The following LYSMD3 variants were observed in gnomAD, a reference collection of about 807,000 sequenced individuals.
LYSMD3 encodes the protein lysM and putative peptidoglycan-binding domain-containing protein 3.
Under a neutral mutation model 26.1 loss-of-function variants are expected in LYSMD3, and 13 were observed. That is an observed-to-expected ratio of 0.50 (90% CI 0.32 to 0.79). LYSMD3 has a LOEUF of 0.79. LYSMD3 is among the 30% of genes least tolerant of loss of function. The probability of loss-of-function intolerance (pLI) is 0.03; values close to 1 mark genes in which losing one functional copy is unlikely to be tolerated. For missense variants in LYSMD3, 331 were observed against 362.5 expected (o/e 0.91, Z 0.71); for synonymous variants, 109 against 119.4 (o/e 0.91, Z 0.57).
intron 1 of LYSMD3, among the ~76,000 whole-genome samples, chr5:90,525,649 C>T (rs574524385): frequency 6.6e-6 from 1 of 152,156 alleles, no homozygotes; most frequent in Admixed American, 6.5e-5. Flanking sequence ...AGGGTTTCAC[C>T]ATGTTGGCCA....
chr5:90,519,690 C>G, intron 2 of LYSMD3, among the ~76,000 whole-genome samples: 1 of 152,108 alleles, frequency 6.6e-6, no homozygotes, highest in East Asian at 1.9e-4. Flanking sequence ...TCACCAACTA[C>G]TTTTTACTAT....
intron 2 of LYSMD3, 40 bp downstream of exon 2, chr5:90,524,992 AAAT>A: frequency 6.9e-7 from 1 of 1,455,208 alleles, no homozygotes; most frequent in South Asian, 1.4e-5. Flanking sequence ...GTGCGTAAAC[AAAT>A]AATTTCTTCT....
At chr5:90,520,219 A>C (rs1580231284) in intron 2 of LYSMD3, 3 of 349,226 alleles carry the variant, frequency 8.6e-6, no homozygotes, top group Non-Finnish European at 1.1e-5. Flanking sequence ...ATCCACTGTG[A>C]GATAACCTGT....
chr5:90,529,529 C>T lies in LYSMD3; in HGVS notation c.-93G>A. 1 of 456,700 alleles carries T rather than the reference C, an allele frequency of 2.2e-6. No homozygotes were observed. The highest frequency in any genetic ancestry group is 4.4e-6 in the Non-Finnish European group (1 of 226,964). 28.3% of individuals were successfully genotyped at this position (456,700 alleles called of 1,614,324 possible). The stretch of plus-strand genomic sequence containing the variant: ...CCGCTGTCCCGGGTAAGTTCATGGC[C>T]GAGCCTCTGCTTTGGGCTGACCCCG... On this transcript the variant is annotated 5_prime_UTR_variant, in exon 1 of 3. Transcript: ENST00000315948.
rs1465895485 is a variant in LYSMD3 at position 90,517,277 on chromosome 5, T to C, written c.*1542A>G. ...CTCCTGAAAGTACATAAAACTGCATTTGCCATAAATATTTACTTATTCTGA... is the reference window on the plus strand; with the variant it reads ...CTCCTGAAAGTACATAAAACTGCATCTGCCATAAATATTTACTTATTCTGA... On this transcript the variant is annotated 3_prime_UTR_variant, in exon 3 of 3. Transcript: ENST00000315948. 6.6e-6 allele frequency: 1 copy of C among 152,064 alleles called. No individual in the cohort carries two copies. The highest frequency in any genetic ancestry group is 1.5e-5 in the Non-Finnish European group (1 of 67,920). The allele number at this position is 152,064 out of a possible 1,614,324, so 9.4% of individuals were successfully genotyped here.
intron 2 of LYSMD3, among the ~76,000 whole-genome samples, chr5:90,521,658 T>C (rs533496301): frequency 6.6e-6 from 1 of 152,104 alleles, no homozygotes; most frequent in South Asian, 2.1e-4. Flanking sequence ...TGCTTGGTAT[T>C]GTGTACTCTT....
Position 90,515,830 on chromosome 5 carries a change from T to G in LYSMD3, c.*2989A>C, listed in dbSNP as rs1210485565. Reference sequence around the variant, plus strand: ...AAAGCATTCAGATATTTCTATGATCTAACAGTGCAATATGCACATACGTGG... The same window carrying G: ...AAAGCATTCAGATATTTCTATGATCGAACAGTGCAATATGCACATACGTGG... On this transcript the variant is annotated 3_prime_UTR_variant, in exon 3 of 3. Coordinates refer to ENST00000315948, the MANE Select transcript of LYSMD3 (RefSeq NM_198273.2). The G allele has an allele frequency of 2.0e-5, 3 of 152,206 alleles. No homozygotes were observed. The highest frequency in any genetic ancestry group is 4.4e-5 in the Non-Finnish European group (3 of 68,010). 9.4% of individuals were successfully genotyped at this position (152,206 alleles called of 1,614,324 possible).
chr5:90,520,415 G>A (rs778221006), intron 2 of LYSMD3: 2 of 456,184 alleles, frequency 4.4e-6, no homozygotes, highest in South Asian at 3.1e-5. Context: ...TTAGATTTCT[G>A]GTTTGGTCAA....
intron 1 of LYSMD3, among the ~76,000 whole-genome samples, chr5:90,529,173 TGTGTTTGG>T (rs1167132409): frequency 6.6e-6 from 1 of 152,200 alleles, no homozygotes; most frequent in Non-Finnish European, 1.5e-5. Flanking sequence ...GGAGAAATGC[TGTGTTTGG>T]GTGGGAAATT....
At chr5:90,521,665 T>G (rs1753092144) in intron 2 of LYSMD3, among the ~76,000 whole-genome samples, 1 of 152,002 alleles carries the variant, frequency 6.6e-6, no homozygotes, top group Non-Finnish European at 1.5e-5. Context: ...TATTGTGTAC[T>G]CTTACTAATA....
chr5:90,523,909 T>C (rs1753152995), intron 2 of LYSMD3, among the ~76,000 whole-genome samples: 1 of 152,128 alleles, frequency 6.6e-6, no homozygotes, highest in African/African-American at 2.4e-5. Flanking sequence ...TATAAAAATA[T>C]CCTGCTAAGG....
intron 2 of LYSMD3, among the ~76,000 whole-genome samples, chr5:90,524,758 A>AT (rs890683709): frequency 4.6e-5 from 7 of 151,950 alleles, no homozygotes; most frequent in Admixed American, 4.6e-4. Flanking sequence ...CGCCCGGCTA[A>AT]TTTTTTTGTA....
chr5:90,525,246 A>G lies in LYSMD3; in HGVS notation c.44T>C (p.Val15Ala), dbSNP rs1753192747. The change falls in exon 2 of 3, where the codon GTT becomes GCT. Residue 15 changes from valine to alanine, a missense_variant. Physicochemically the swap from Val to Ala is moderately conservative, Grantham distance 64. Transcript: ENST00000315948. ...HQNRSFPLPG[V>A]QSSGQVHAFG... ...TGCATGTACTTGACCACTTGACTGAACTCCTGGAAGAGGAAAACTACGATT... is the reference window on the plus strand; with the variant it reads ...TGCATGTACTTGACCACTTGACTGAGCTCCTGGAAGAGGAAAACTACGATT... 6.2e-7 allele frequency: 1 copy of G among 1,613,074 alleles called. No individual in the cohort carries two copies. Among genetic ancestry groups the G allele is most frequent in the African/African-American group, 1.3e-5 (1 of 74,800 alleles).
At chr5:90,527,811 T>C (rs1753260455) in intron 1 of LYSMD3, among the ~76,000 whole-genome samples, 1 of 152,216 alleles carries the variant, frequency 6.6e-6, no homozygotes, top group South Asian at 2.1e-4. Context: ...TATCATAAAA[T>C]GCTTTAAAAC....
intron 1 of LYSMD3, chr5:90,526,909 C>T (rs1426527136): frequency 2.6e-5 from 4 of 152,028 alleles, no homozygotes; most frequent in Non-Finnish European, 4.4e-5. Flanking sequence ...TTTGTGAGTA[C>T]ATATATTACC....
Position 90,516,456 on chromosome 5 carries a change from AAAG to A in LYSMD3, c.*2360_*2362del, listed in dbSNP as rs773807259. 13 of 152,212 alleles carry A rather than the reference AAAG, an allele frequency of 8.5e-5. No homozygotes were observed. In the South Asian group the frequency reaches 1.2e-3, roughly 15 times the overall value. The allele number at this position is 152,212 out of a possible 1,614,324, so 9.4% of individuals were successfully genotyped here. Reference sequence around the variant, plus strand: ...GACACACATGTAAAGCAACAAATTCAAAGAAGGGTGTCAACACAATTAAAATCC... The same window carrying A: ...GACACACATGTAAAGCAACAAATTCAAAGGGTGTCAACACAATTAAAATCC... On this transcript the variant is annotated 3_prime_UTR_variant, in exon 3 of 3. Coordinates refer to ENST00000315948, the MANE Select transcript of LYSMD3 (RefSeq NM_198273.2).
intron 1 of LYSMD3, among the ~76,000 whole-genome samples, chr5:90,528,538 G>C (rs912302438): frequency 3.3e-5 from 5 of 152,182 alleles, no homozygotes; most frequent in Middle Eastern, 3.2e-3. Context: ...ATGAAATGCA[G>C]GCAGCTGACT....
chr5:90,521,872 A>G (rs1219827977), intron 2 of LYSMD3, among the ~76,000 whole-genome samples: 1 of 152,168 alleles, frequency 6.6e-6, no homozygotes, highest in Non-Finnish European at 1.5e-5. Flanking sequence ...GATTATTTCT[A>G]AGTGGAATAT....
rs1403765197 is a variant in LYSMD3 at position 90,524,752 on chromosome 5, CG to C, written c.255+282del. ...GACTACAGGCGCCTGCCAACACGCC[CG>C]GCTAATTTTTTTGTATTTTTAGTAG... is the stretch of plus-strand genomic sequence containing the variant. On this transcript the variant is annotated intron_variant, in intron 2 of 2. Transcript: ENST00000315948. 6.6e-5 allele frequency among the ~76,000 whole-genome samples: 10 copies of C among 152,214 alleles called. No individual in the cohort carries two copies. The East Asian group carries it at 1.9e-3, about 29-fold the overall frequency.
Sources: allele counts gnomAD v4.1 joint callset (sites outside exome capture counted in the v4.1 genomes callset), GRCh38; gene constraint gnomAD v4.1.1; transcripts MANE v1.5; gene names NCBI Gene and HGNC (gene_info 2026-07-23, HGNC 2026-07-21).